Variants in PCDHA12 observed in about 807,000 individuals in gnomAD.
The protein encoded by PCDHA12 is protocadherin alpha 12.
In PCDHA12, 44 loss-of-function variants were observed where a neutral mutation model predicts 60.0. The ratio of observed to expected loss-of-function variants is 0.73; its 90% CI spans 0.58 to 0.94. PCDHA12 has a LOEUF of 0.94. Ranked by LOEUF, PCDHA12 falls within the 40% of genes least tolerant of loss-of-function variation. PCDHA12 has a pLI of 0.00. For missense variants in PCDHA12, 1,276 were observed against 1,239.7 expected (o/e 1.03, Z -0.44); for synonymous variants, 569 against 553.0 (o/e 1.03, Z -0.40).
intron 1 of PCDHA12, among the ~76,000 whole-genome samples, chr5:140,914,080 T>G (rs2076596374): frequency 6.6e-6 from 1 of 152,222 alleles, no homozygotes; most frequent in African/African-American, 2.4e-5. Flanking sequence ...TAACTATCTA[T>G]TAGGTCAATT....
rs1028376160 is a variant in PCDHA12 at position 140,924,281 on chromosome 5, C to T, written c.2367+46442C>T. Among the ~76,000 whole-genome samples the T allele has an allele frequency of 2.6e-5, 4 of 152,170 alleles. No individual in the cohort carries two copies. The East Asian group carries it at 7.7e-4, about 29-fold the overall frequency. ...TAATGAGGTCTGTACTTGTGACTAC[C>T]TAATAGGCTGACATGTTTCCTCCTT... is the stretch of plus-strand genomic sequence containing the variant. On this transcript the variant is annotated intron_variant, in intron 1 of 3. Coordinates refer to ENST00000398631, the MANE Select transcript of PCDHA12 (RefSeq NM_018903.4).
At chr5:140,954,864 G>A (rs2095103058) in intron 1 of PCDHA12, among the ~76,000 whole-genome samples, 1 of 152,074 alleles carries the variant, frequency 6.6e-6, no homozygotes, top group Admixed American at 6.5e-5. Context: ...TGTCCTGAAT[G>A]GTATTGCCTA....
chr5:140,999,338 G>T (rs1451765927), intron 3 of PCDHA12, among the ~76,000 whole-genome samples: 2 of 152,126 alleles, frequency 1.3e-5, no homozygotes, highest in African/African-American at 2.4e-5. Context: ...TGATTTATAA[G>T]CCTTGTCTCT....
At chr5:140,887,668 A>G (rs1047587717) in intron 1 of PCDHA12, among the ~76,000 whole-genome samples, 1 of 151,958 alleles carries the variant, frequency 6.6e-6, no homozygotes, top group Non-Finnish European at 1.5e-5. Context: ...CTGTGGATTT[A>G]TCATTTTCAT....
intron 1 of PCDHA12, chr5:140,928,279 TCTCTAGGC>T: frequency 6.2e-7 from 1 of 1,614,144 alleles, no homozygotes; most frequent in Non-Finnish European, 8.5e-7. Flanking sequence ...CCCTGGGGCC[TCTCTAGGC>T]CGAGTGTTTG....
intron 3 of PCDHA12, among the ~76,000 whole-genome samples, chr5:140,989,450 T>C (rs1299416259): frequency 6.6e-6 from 1 of 152,208 alleles, no homozygotes; most frequent in Admixed American, 6.5e-5. Context: ...TTGTTTAGAA[T>C]TGTTAGGCTT....
At chr5:140,890,363 C>T (rs1217094920) in intron 1 of PCDHA12, among the ~76,000 whole-genome samples, 1 of 152,036 alleles carries the variant, frequency 6.6e-6, no homozygotes, top group African/African-American at 2.4e-5. Flanking sequence ...CAATGGATAA[C>T]CTGAACAAGT....
intron 1 of PCDHA12, among the ~76,000 whole-genome samples, chr5:140,917,740 C>T (rs1257665291): frequency 6.6e-6 from 1 of 152,090 alleles, no homozygotes; most frequent in Non-Finnish European, 1.5e-5. Context: ...TCTAACCTGT[C>T]CCATTGGTCT....
intron 3 of PCDHA12, among the ~76,000 whole-genome samples, chr5:140,998,707 A>G (rs1230153468): frequency 6.6e-6 from 1 of 151,942 alleles, no homozygotes; most frequent in African/African-American, 2.4e-5. Flanking sequence ...TGGGATTACA[A>G]GCTTGCACCA....
chr5:140,931,395 C>T lies in PCDHA12; in HGVS notation c.2368-47554C>T, dbSNP rs141099105. Among the ~76,000 whole-genome samples the T allele has an allele frequency of 5.8e-3, 884 of 151,620 alleles. 4 individuals carry two copies. The highest frequency in any genetic ancestry group is 0.021 in the African/African-American group (851 of 41,384). ...AGACTAGAAAGGAAACATAAGTAAG[C>T]GATAGGAAGGCTGATGAATCTAGAA... On this transcript the variant is annotated intron_variant, in intron 1 of 3. Coordinates refer to ENST00000398631, the MANE Select transcript of PCDHA12 (RefSeq NM_018903.4).
At chr5:140,905,766 A>G (rs782122019) in intron 1 of PCDHA12, among the ~76,000 whole-genome samples, 15 of 152,144 alleles carry the variant, frequency 9.9e-5, no homozygotes, top group African/African-American at 2.7e-4. Flanking sequence ...GGTTAAGTAT[A>G]TTCCGAAGTG....
At chr5:140,947,451 A>G (rs2094135983) in intron 1 of PCDHA12, among the ~76,000 whole-genome samples, 1 of 151,658 alleles carries the variant, frequency 6.6e-6, no homozygotes, top group Non-Finnish European at 1.5e-5. Context: ...GAAATCCTCC[A>G]ACCTTGTTCT....
In PCDHA12 at chr5:140,982,208, G is replaced by A. The variant is rs146224628; in HGVS notation, c.2427-267G>A. 246 of 434,966 alleles carry A rather than the reference G, an allele frequency of 5.7e-4. 1 individual carries two copies. The highest frequency in any genetic ancestry group is 7.4e-4 in the Non-Finnish European group (200 of 268,658). 26.9% of individuals were successfully genotyped at this position (434,966 alleles called of 1,614,324 possible). ...GGGCTTCCTGTTAGATTTAGTGAGC[G>A]CCACATGGCGTTAATAAAAAACAGA... On this transcript the variant is annotated intron_variant, in intron 2 of 3. Coordinates refer to ENST00000398631, the MANE Select transcript of PCDHA12 (RefSeq NM_018903.4).
chr5:140,941,185 C>CTTTTT (rs782102770), intron 1 of PCDHA12, among the ~76,000 whole-genome samples: 1 of 102,242 alleles, frequency 9.8e-6, no homozygotes, highest in African/African-American at 3.6e-5. Context: ...CATCCTGCTT[C>CTTTTT]TTTTTTTTTC....
chr5:140,999,409 T>C (rs1554256782), intron 3 of PCDHA12, among the ~76,000 whole-genome samples: 1 of 152,186 alleles, frequency 6.6e-6, no homozygotes, highest in African/African-American at 2.4e-5. Flanking sequence ...TATGAAAGAA[T>C]GGGAGCTAAG....
chr5:140,999,125 G>A (rs1554256627), intron 3 of PCDHA12, among the ~76,000 whole-genome samples: 1 of 152,152 alleles, frequency 6.6e-6, no homozygotes, highest in Non-Finnish European at 1.5e-5. Context: ...TTCTAAGCTG[G>A]AAAATGTCAC....
In PCDHA12 at chr5:141,009,814, A is replaced by C. The variant is rs781835321; in HGVS notation, c.2703A>C (p.Lys901Asn). Residue 901 changes from lysine to asparagine, a missense_variant, in exon 4 of 4, where the codon AAA (lysine) becomes AAC (asparagine). By Grantham distance (94) the Lys-to-Asn change is moderately conservative. Coordinates refer to ENST00000398631, the MANE Select transcript of PCDHA12 (RefSeq NM_018903.4). ...RQEPTNSQID[K>N]SDFITFGKKE... ...AGCCTACTAACAGCCAAATTGACAA[A>C]AGTGACTTCATAACCTTCGGCAAAA... The C allele has an allele frequency of 6.2e-7, 1 of 1,614,124 alleles. No individual in the cohort carries two copies. The highest frequency in any genetic ancestry group is 8.5e-7 in the Non-Finnish European group (1 of 1,180,010).
rs1554167634 is a variant in PCDHA12, at chr5:140,875,431, T to C, written c.-42T>C. On this transcript the variant is annotated 5_prime_UTR_variant, in exon 1 of 4. Coordinates refer to ENST00000398631, the MANE Select transcript of PCDHA12 (RefSeq NM_018903.4). ...TAAAATACCTCAGGCAAGCGATCCC[T>C]TAAAACTGATTGTCCCAACTCAGAG... 1.3e-6 allele frequency: 2 copies of C among 1,558,558 alleles called. No homozygotes were observed.
At chr5:140,966,678 C>G (rs2096036369) in intron 1 of PCDHA12, 8 of 1,313,236 alleles carry the variant, frequency 6.1e-6, no homozygotes, top group Non-Finnish European at 2.9e-6. Context: ...CAGGGTGGCA[C>G]GAGCGGAGGC....
Sources: gnomAD v4.1 joint callset for allele counts (sites outside exome capture counted in the v4.1 genomes callset) on GRCh38, gnomAD v4.1.1 for gene constraint, MANE v1.5 for transcripts, NCBI Gene and HGNC (gene_info 2026-07-23, HGNC 2026-07-21) for gene names.